SMIM35: variants seen among roughly 807,000 people sequenced by gnomAD.
SMIM35 encodes the protein TMPRSS4 antisense RNA 1 (non-protein coding).
At chr11:118,065,764 C>T (rs1262291644) in intron 1 of SMIM35, among the ~76,000 whole-genome samples, 2 of 152,164 alleles carry the variant, frequency 1.3e-5, no homozygotes, top group Non-Finnish European at 2.9e-5. Context: ...TCAGCCCACT[C>T]CCACCCTGTG....
chr11:118,047,752 C>T (rs1470363702), intron 1 of SMIM35, among the ~76,000 whole-genome samples: 1 of 152,196 alleles, frequency 6.6e-6, no homozygotes, highest in African/African-American at 2.4e-5. Context: ...TGGCCACTCA[C>T]CTTGGGGGCA....
intron 1 of SMIM35, among the ~76,000 whole-genome samples, chr11:118,027,955 C>A (rs1390515813): frequency 6.6e-6 from 1 of 152,204 alleles, no homozygotes; most frequent in Admixed American, 6.5e-5. Flanking sequence ...CATGAAGAGT[C>A]AATATAATTG....
intron 1 of SMIM35, among the ~76,000 whole-genome samples, chr11:118,055,096 C>T (rs1486101238): frequency 6.6e-6 from 1 of 152,136 alleles, no homozygotes; most frequent in Non-Finnish European, 1.5e-5. Flanking sequence ...TGAGCCACTG[C>T]GCCTGGCCTA....
intron 1 of SMIM35, among the ~76,000 whole-genome samples, chr11:118,049,241 T>C (rs1285861663): frequency 1.3e-5 from 2 of 151,256 alleles, no homozygotes; most frequent in African/African-American, 2.4e-5. Flanking sequence ...GGGAGACTGG[T>C]CCAAACATTG....
intron 1 of SMIM35, among the ~76,000 whole-genome samples, chr11:118,042,005 T>C (rs650104): frequency 0.5 from 72,416 of 144,874 alleles, 18,542 homozygotes; most frequent in East Asian, 0.65. Context: ...GAGCCAAGAT[T>C]GCACCACTGC....
intron 1 of SMIM35, among the ~76,000 whole-genome samples, chr11:118,049,602 G>A (rs1944177314): frequency 6.6e-6 from 1 of 151,922 alleles, no homozygotes; most frequent in African/African-American, 2.4e-5. Flanking sequence ...ACCCACCTCG[G>A]CCTCCCAAAG....
intron 1 of SMIM35, 108 bp from the exon 2 acceptor site, chr11:118,015,917 C>T (rs1461762119): frequency 5.0e-6 from 2 of 398,268 alleles, no homozygotes; most frequent in Admixed American, 4.4e-5. Context: ...CATAACTGTC[C>T]CCTGGGAGCC....
intron 1 of SMIM35, among the ~76,000 whole-genome samples, chr11:118,053,973 C>T (rs1944265780): frequency 6.6e-6 from 1 of 152,194 alleles, no homozygotes; most frequent in Admixed American, 6.5e-5. Context: ...ATCACAATCA[C>T]AGGATCGTTT....
At position 118,086,792 on chromosome 11, in the gene SMIM35, A is replaced by C. The variant is rs1212227054; in HGVS notation, c.-35T>G. ...ATCCAAGAGAGAGAGCCCTGTTGCC[A>C]GCGCAGCAAAGGCATCAAACTGCCT... On this transcript the variant is annotated 5_prime_UTR_variant, in exon 1 of 5. Coordinates refer to ENST00000689828, the MANE Select transcript of SMIM35 (RefSeq NM_001394165.1). 6.5e-6 allele frequency: 1 copy of C among 152,736 alleles called. No homozygotes were observed. Among genetic ancestry groups the C allele is most frequent in the Non-Finnish European group, 1.5e-5 (1 of 68,102 alleles). 9.5% of individuals were successfully genotyped at this position (152,736 alleles called of 1,614,324 possible).
At chr11:118,042,755 C>T (rs1944026471) in intron 1 of SMIM35, among the ~76,000 whole-genome samples, 1 of 152,204 alleles carries the variant, frequency 6.6e-6, no homozygotes, top group South Asian at 2.1e-4. Context: ...GAATCCTCAA[C>T]AAAATACTAG....
chr11:118,074,507 G>A (rs1944622329), intron 1 of SMIM35, among the ~76,000 whole-genome samples: 1 of 152,120 alleles, frequency 6.6e-6, no homozygotes, highest in South Asian at 2.1e-4. Context: ...AGCACTTTGG[G>A]AAACCAGAGC....
chr11:118,008,457 T>C (rs1401474208), intron 4 of SMIM35, among the ~76,000 whole-genome samples: 1 of 152,194 alleles, frequency 6.6e-6, no homozygotes, highest in Non-Finnish European at 1.5e-5. Context: ...CCAATGCCAC[T>C]GGCATGGGAC....
intron 1 of SMIM35, among the ~76,000 whole-genome samples, chr11:118,035,041 T>C (rs1358700812): frequency 2.0e-5 from 3 of 151,530 alleles, no homozygotes; most frequent in Admixed American, 6.6e-5. Context: ...AACCTCCAAC[T>C]CCTGGGTTCA....
intron 1 of SMIM35, among the ~76,000 whole-genome samples, chr11:118,043,835 G>A (rs1783853): frequency 0.71 from 100,830 of 142,060 alleles, 36,244 homozygotes; most frequent in Non-Finnish European, 0.76. Context: ...AAGAAAGTAG[G>A]TTATGGGGGG....
At chr11:118,012,465 C>T (rs1234731097) in intron 4 of SMIM35, among the ~76,000 whole-genome samples, 1 of 152,240 alleles carries the variant, frequency 6.6e-6, no homozygotes, top group Non-Finnish European at 1.5e-5. Flanking sequence ...TTCACACTCC[C>T]ACCATTTCTG....
At chr11:118,021,154 T>A (rs1182540899) in intron 1 of SMIM35, among the ~76,000 whole-genome samples, 1 of 152,092 alleles carries the variant, frequency 6.6e-6, no homozygotes, top group East Asian at 1.9e-4. Flanking sequence ...AATGTTTTCA[T>A]CTAACTCATG....
chr11:118,079,996 T>C (rs1380939987), intron 1 of SMIM35, among the ~76,000 whole-genome samples: 1 of 152,102 alleles, frequency 6.6e-6, no homozygotes, highest in Non-Finnish European at 1.5e-5. Context: ...CTGGTGTCAC[T>C]GTAACCACTC....
intron 1 of SMIM35, among the ~76,000 whole-genome samples, chr11:118,052,923 G>T (rs934289946): frequency 6.6e-6 from 1 of 152,094 alleles, no homozygotes; most frequent in African/African-American, 2.4e-5. Context: ...ACCCCACAGG[G>T]GACTGCACTG....
chr11:118,080,943 T>C (rs76113199), intron 1 of SMIM35, among the ~76,000 whole-genome samples: 1 of 152,282 alleles, frequency 6.6e-6, no homozygotes, highest in African/African-American at 2.4e-5. Context: ...AGTGAACTCC[T>C]CCAAACCTAA....
Sources: allele counts gnomAD v4.1 joint callset (sites outside exome capture counted in the v4.1 genomes callset), GRCh38; gene constraint gnomAD v4.1.1; transcripts MANE v1.5; gene names NCBI Gene and HGNC (gene_info 2026-07-23, HGNC 2026-07-21).